ELMO1: variants seen among roughly 807,000 people sequenced by gnomAD.
ELMO1 encodes engulfment and cell motility protein 1.
A neutral mutation model predicts 98.9 loss-of-function variants in ELMO1; 26 were observed. That is an observed-to-expected ratio of 0.26 (90% CI 0.19 to 0.36). The LOEUF (loss-of-function observed/expected upper bound fraction) is 0.36, where lower values mean the gene tolerates loss of function less well. Among genes scored for constraint, ELMO1 ranks in the 10% least tolerant of loss-of-function variants. ELMO1 has a pLI of 1.00. For synonymous variants in ELMO1, 346 were observed against 346.0 expected, an observed-to-expected ratio of 1.00 and a Z score of 0.00; for missense variants, 627 against 935.2, an observed-to-expected ratio of 0.67 and a Z score of 4.30.
intron 4 of ELMO1, among the ~76,000 whole-genome samples, chr7:37,276,913 C>T (rs1386250254): frequency 2.6e-5 from 4 of 152,156 alleles, no homozygotes; most frequent in Non-Finnish European, 5.9e-5. Context: ...GAGCAGCCCT[C>T]GGAGCATCAA....
At chr7:37,237,680 A>G (rs753269558) in intron 7 of ELMO1, among the ~76,000 whole-genome samples, 9 of 152,240 alleles carry the variant, frequency 5.9e-5, no homozygotes, top group Non-Finnish European at 1.3e-4. Flanking sequence ...GTCAAGGTTA[A>G]TGGCCACAGT....
At chr7:37,246,223 C>G (rs1330630604) in intron 6 of ELMO1, among the ~76,000 whole-genome samples, 1 of 152,152 alleles carries the variant, frequency 6.6e-6, no homozygotes, top group Non-Finnish European at 1.5e-5. Flanking sequence ...AGAAAACCAA[C>G]TAATACATGT....
chr7:37,215,162 G>C (rs1324034669), intron 11 of ELMO1, among the ~76,000 whole-genome samples: 1 of 152,158 alleles, frequency 6.6e-6, no homozygotes, highest in Admixed American at 6.5e-5. Flanking sequence ...GAAGAACTGG[G>C]GGACCTCTTT....
At chr7:37,344,038 T>TTTTC (rs1177872721) in intron 1 of ELMO1, among the ~76,000 whole-genome samples, 1 of 150,314 alleles carries the variant, frequency 6.7e-6, no homozygotes, top group East Asian at 1.9e-4. Flanking sequence ...GCAGCATTTT[T>TTTTC]TTTTTTTTTT....
At chr7:37,019,274 A>C (rs1024460185) in intron 15 of ELMO1, among the ~76,000 whole-genome samples, 3 of 152,254 alleles carry the variant, frequency 2.0e-5, no homozygotes, top group Non-Finnish European at 2.9e-5. Context: ...GCCTGCCATC[A>C]TTCTAAGATT....
rs1439851855 is a variant in ELMO1 at position 37,061,023 on chromosome 7, A to G, written c.1300+35596T>C. ...GATTTCCCAAATTTGGTTATCATTT[A>G]TATTTTGGTTTTGCAAAGATGATAC... is the stretch of plus-strand genomic sequence containing the variant. On this transcript the variant is annotated intron_variant, in intron 15 of 21. Transcript: ENST00000310758. Among the ~76,000 whole-genome samples the G allele has an allele frequency of 2.6e-5, 4 of 152,206 alleles. No homozygotes were observed. The East Asian group carries it at 7.7e-4, about 29-fold the overall frequency.
At chr7:37,254,272 T>C (rs1440572024) in intron 6 of ELMO1, among the ~76,000 whole-genome samples, 1 of 152,048 alleles carries the variant, frequency 6.6e-6, no homozygotes, top group African/African-American at 2.4e-5. Flanking sequence ...GAACATAGTG[T>C]GATGGGAAAG....
At chr7:37,018,633 C>T (rs952350727) in intron 15 of ELMO1, among the ~76,000 whole-genome samples, 3 of 151,996 alleles carry the variant, frequency 2.0e-5, no homozygotes, top group South Asian at 2.1e-4. Flanking sequence ...CACGACACCA[C>T]GCCTGGCTAA....
chr7:37,224,765 A>G, intron 9 of ELMO1, 114 bp downstream of exon 9: 2 of 1,441,590 alleles, frequency 1.4e-6, no homozygotes, highest in Non-Finnish European at 9.4e-7. Context: ...CCAAATTGAG[A>G]TTCTTTTTCT....
intron 1 of ELMO1, among the ~76,000 whole-genome samples, chr7:37,391,057 T>TCCC: frequency 6.8e-6 from 1 of 147,438 alleles, no homozygotes; most frequent in Non-Finnish European, 1.5e-5. Flanking sequence ...CCTTCCTTCC[T>TCCC]TCCTCCCTCC....
chr7:37,224,123 C>T (rs746580174), intron 9 of ELMO1, among the ~76,000 whole-genome samples: 1 of 152,158 alleles, frequency 6.6e-6, no homozygotes, highest in Non-Finnish European at 1.5e-5. Context: ...TACAAAGTAC[C>T]CCAGTATTGT....
chr7:37,055,813 C>T (rs1049405752), intron 15 of ELMO1, among the ~76,000 whole-genome samples: 1 of 152,170 alleles, frequency 6.6e-6, no homozygotes, highest in African/African-American at 2.4e-5. Flanking sequence ...CTGTCAGCCA[C>T]GCACCCTGGA....
rs575907792 is a variant in ELMO1, at chr7:36,942,486, A to C, written c.1438-47469T>G. Among the ~76,000 whole-genome samples the C allele has an allele frequency of 5.3e-5, 8 of 152,358 alleles. No homozygotes were observed. The South Asian group carries it at 1.7e-3, about 32-fold the overall frequency. On this transcript the variant is annotated intron_variant, in intron 16 of 21. Transcript: ENST00000310758. ...TTAAAAGCAACATTTTCTCTGTCTC[A>C]GGAGACAGGTGGGTGCTGCCACCCT...
chr7:36,984,036 A>G (rs1476381152), intron 16 of ELMO1, among the ~76,000 whole-genome samples: 3 of 150,782 alleles, frequency 2.0e-5, no homozygotes, highest in African/African-American at 7.3e-5. Flanking sequence ...CATTCTTACC[A>G]ACAGGTGCCA....
chr7:37,429,638 A>C (rs1159780096), intron 1 of ELMO1: 1 of 152,404 alleles, frequency 6.6e-6, no homozygotes, highest in Non-Finnish European at 1.5e-5. Flanking sequence ...TCAGGCCAGC[A>C]GGGGAGATGG....
chr7:37,195,358 A>G (rs2130232254), intron 13 of ELMO1, among the ~76,000 whole-genome samples: 1 of 152,384 alleles, frequency 6.6e-6, no homozygotes, highest in Admixed American at 6.5e-5. Flanking sequence ...TGCACGAACA[A>G]ATGAATCAAC....
At chr7:36,869,038 G>A (rs916963736) in intron 20 of ELMO1, among the ~76,000 whole-genome samples, 2 of 152,212 alleles carry the variant, frequency 1.3e-5, no homozygotes, top group African/African-American at 4.8e-5. Flanking sequence ...ATGAAAACTG[G>A]AGATTTGCTG....
intron 16 of ELMO1, among the ~76,000 whole-genome samples, chr7:36,939,770 C>T (rs1190129576): frequency 6.6e-6 from 1 of 152,228 alleles, no homozygotes; most frequent in African/African-American, 2.4e-5. Flanking sequence ...AGCCCACCCT[C>T]CTGCTTTCAC....
At chr7:37,288,294 G>A (rs568005550) in intron 4 of ELMO1, among the ~76,000 whole-genome samples, 154 of 151,556 alleles carry the variant, frequency 1.0e-3, no homozygotes, top group Non-Finnish European at 1.9e-3. Context: ...GCACGATCTC[G>A]GCTCACTGCA....
Sources: gnomAD v4.1 joint callset for allele counts (sites outside exome capture counted in the v4.1 genomes callset) on GRCh38, gnomAD v4.1.1 for gene constraint, MANE v1.5 for transcripts, NCBI Gene and HGNC (gene_info 2026-07-23, HGNC 2026-07-21) for gene names.